Variants in NEGR1 observed in about 807,000 individuals in gnomAD.
The protein encoded by NEGR1 is neuronal growth regulator 1.
A neutral mutation model predicts 40.9 loss-of-function variants in NEGR1; 10 were observed. The observed-to-expected ratio is 0.24, with a 90% CI of 0.15 to 0.42. The LOEUF (loss-of-function observed/expected upper bound fraction) is 0.42, where lower values mean the gene tolerates loss of function less well. Ranked by LOEUF, NEGR1 falls within the 10% of genes least tolerant of loss-of-function variation. The pLI is 1.00. For missense variants in NEGR1, 352 were observed against 438.9 expected (o/e 0.80, Z 1.77); for synonymous variants, 185 against 166.8 (o/e 1.11, Z -0.84).
intron 2 of NEGR1, among the ~76,000 whole-genome samples, chr1:71,844,232 G>A (rs1156495665): frequency 6.6e-6 from 1 of 152,092 alleles, no homozygotes; most frequent in Non-Finnish European, 1.5e-5. Context: ...CCTTAACAAA[G>A]ACATAATGCC....
intron 1 of NEGR1, among the ~76,000 whole-genome samples, chr1:72,209,986 A>C (rs984218256): frequency 2.0e-5 from 3 of 151,900 alleles, no homozygotes; most frequent in Non-Finnish European, 4.4e-5. Context: ...GATTTTTTAG[A>C]CTCATTATTC....
At chr1:71,807,200 C>T (rs556228488) in intron 2 of NEGR1, among the ~76,000 whole-genome samples, 133 of 151,870 alleles carry the variant, frequency 8.8e-4, no homozygotes, top group African/African-American at 3.1e-3. Flanking sequence ...CTGGCCATGT[C>T]GATCTATTTT....
At chr1:71,981,322 T>C (rs1646352504) in intron 1 of NEGR1, among the ~76,000 whole-genome samples, 1 of 152,048 alleles carries the variant, frequency 6.6e-6, no homozygotes, top group African/African-American at 2.4e-5. Context: ...GAGGATACAA[T>C]GCCCAGTAGG....
chr1:72,090,737 C>CT lies in NEGR1; in HGVS notation c.177-155427dup, dbSNP rs146798394. On this transcript the variant is annotated intron_variant, in intron 1 of 6. Coordinates refer to ENST00000357731, the MANE Select transcript of NEGR1 (RefSeq NM_173808.3). ...AGCACAGTCTCGGCAGGCGTTAGGCCTACTCACATGAATTTGGGACACCTG... is the reference window on the plus strand; with the variant it reads ...AGCACAGTCTCGGCAGGCGTTAGGCCTTACTCACATGAATTTGGGACACCTG... Among the ~76,000 whole-genome samples the CT allele has an allele frequency of 9.3e-3, 1,422 of 152,176 alleles. 22 individuals are homozygous for CT. The highest frequency in any genetic ancestry group is 0.032 in the African/African-American group (1,349 of 41,512).
At chr1:72,166,460 AAAG>A (rs1172478515) in intron 1 of NEGR1, among the ~76,000 whole-genome samples, 1 of 152,136 alleles carries the variant, frequency 6.6e-6, no homozygotes, top group Non-Finnish European at 1.5e-5. Context: ...AGTATTTCAA[AAAG>A]AAGATGTCTG....
At chr1:71,763,227 T>C (rs1299489977) in intron 3 of NEGR1, among the ~76,000 whole-genome samples, 1 of 152,132 alleles carries the variant, frequency 6.6e-6, no homozygotes, top group African/African-American at 2.4e-5. Context: ...GTCATATATG[T>C]TATACAAACA....
intron 3 of NEGR1, among the ~76,000 whole-genome samples, chr1:71,698,513 T>C (rs999953742): frequency 3.3e-5 from 5 of 152,032 alleles, no homozygotes; most frequent in Middle Eastern, 3.4e-3. Context: ...CTCTACTGTG[T>C]GAGCTAGAAA....
At chr1:72,193,089 G>C (rs895615768) in intron 1 of NEGR1, among the ~76,000 whole-genome samples, 3 of 151,590 alleles carry the variant, frequency 2.0e-5, no homozygotes, top group Non-Finnish European at 4.4e-5. Context: ...TAACTTTTCT[G>C]CTCCTTGGAT....
At chr1:71,553,126 C>A (rs1648140306) in intron 6 of NEGR1, among the ~76,000 whole-genome samples, 1 of 151,338 alleles carries the variant, frequency 6.6e-6, no homozygotes, top group Non-Finnish European at 1.5e-5. Flanking sequence ...TGAGTATATA[C>A]TTTCTAGAAA....
chr1:71,597,053 T>C (rs1437509268), intron 5 of NEGR1, among the ~76,000 whole-genome samples: 2 of 152,164 alleles, frequency 1.3e-5, no homozygotes, highest in African/African-American at 4.8e-5. Flanking sequence ...AAGTTTTATT[T>C]ACAAAGACAA....
intron 3 of NEGR1, among the ~76,000 whole-genome samples, 189 bp downstream of exon 3, chr1:71,775,983 A>T (rs149424528): frequency 2.0e-4 from 29 of 146,692 alleles, no homozygotes; most frequent in African/African-American, 6.8e-4. Flanking sequence ...ACAGAGTAAG[A>T]CTCTGTCTCA....
intron 1 of NEGR1, among the ~76,000 whole-genome samples, chr1:72,084,052 C>T (rs949534988): frequency 2.0e-5 from 3 of 152,180 alleles, no homozygotes; most frequent in Non-Finnish European, 2.9e-5. Flanking sequence ...TCCAGCTTCT[C>T]TACTAACTCC....
chr1:71,821,448 C>T (rs184927324), intron 2 of NEGR1, among the ~76,000 whole-genome samples: 113 of 152,018 alleles, frequency 7.4e-4, no homozygotes, highest in African/African-American at 2.5e-3. Context: ...AATGTCCTAG[C>T]GGGTATTTGC....
At position 72,058,348 on chromosome 1, in the gene NEGR1, C is replaced by T. The variant is rs887383503; in HGVS notation, c.177-123037G>A. On this transcript the variant is annotated intron_variant, in intron 1 of 6. Transcript: ENST00000357731. ...GACTTAATAATCTCTAATATTAGAA[C>T]TGAAAGCATGTTCCCATTAGTTATT... 4.6e-5 allele frequency among the ~76,000 whole-genome samples: 7 copies of T among 151,352 alleles called. No individual in the cohort carries two copies. In the Admixed American group the frequency reaches 4.6e-4, roughly 10 times the overall value.
At chr1:72,216,822 A>G (rs1323972567) in intron 1 of NEGR1, among the ~76,000 whole-genome samples, 1 of 151,640 alleles carries the variant, frequency 6.6e-6, no homozygotes, top group Admixed American at 6.6e-5. Context: ...AGTTATTATT[A>G]TGATGATGAT....
intron 4 of NEGR1, among the ~76,000 whole-genome samples, chr1:71,656,567 C>T (rs12741137): frequency 0.34 from 52,324 of 151,938 alleles, 10,024 homozygotes; most frequent in East Asian, 0.48. Flanking sequence ...CGCCCGCCAC[C>T]GTGCCCGTCT....
Position 71,401,514 on chromosome 1 carries a change from A to G in NEGR1, c.*5932T>C, listed in dbSNP as rs1477287714. 6.6e-6 allele frequency: 1 copy of G among 152,214 alleles called. No homozygotes were observed. Among genetic ancestry groups the G allele is most frequent in the Non-Finnish European group, 1.5e-5 (1 of 68,042 alleles). 9.4% of individuals were successfully genotyped at this position (152,214 alleles called of 1,614,324 possible). On this transcript the variant is annotated 3_prime_UTR_variant, in exon 7 of 7. Coordinates refer to ENST00000357731, the MANE Select transcript of NEGR1 (RefSeq NM_173808.3). ...TTCATATTTTGAAAACAAAGTACAAATGTATTTCTTAGGTTGCATATCATT... is the reference window on the plus strand; with the variant it reads ...TTCATATTTTGAAAACAAAGTACAAGTGTATTTCTTAGGTTGCATATCATT...
intron 3 of NEGR1, among the ~76,000 whole-genome samples, chr1:71,700,052 CAACAT>C (rs1215251357): frequency 6.6e-6 from 1 of 151,820 alleles, no homozygotes; most frequent in Non-Finnish European, 1.5e-5. Context: ...ACTAATACAA[CAACAT>C]AATAGAAAAT....
At chr1:71,790,215 G>A (rs1307059805) in intron 2 of NEGR1, among the ~76,000 whole-genome samples, 1 of 152,078 alleles carries the variant, frequency 6.6e-6, no homozygotes, top group Non-Finnish European at 1.5e-5. Context: ...AGACCTAACT[G>A]GTCATGCCAC....
Sources: gnomAD v4.1 joint callset for allele counts (sites outside exome capture counted in the v4.1 genomes callset) on GRCh38, gnomAD v4.1.1 for gene constraint, MANE v1.5 for transcripts, NCBI Gene and HGNC (gene_info 2026-07-23, HGNC 2026-07-21) for gene names.